The following RABGEF1 variants were observed in gnomAD, a reference collection of about 807,000 sequenced individuals.
RABGEF1 encodes the protein RAB guanine nucleotide exchange factor 1, also known as rab5 GDP/GTP exchange factor.
Under a neutral mutation model 57.3 loss-of-function variants are expected in RABGEF1, and 26 were observed. The ratio of observed to expected loss-of-function variants is 0.45; its 90% CI spans 0.33 to 0.63. The LOEUF is 0.63. Among genes scored for constraint, RABGEF1 ranks in the 20% least tolerant of loss-of-function variants. The pLI, the probability that RABGEF1 is intolerant of heterozygous loss-of-function variation, is 0.02. For missense variants in RABGEF1, 464 were observed against 607.6 expected (o/e 0.76, Z 2.48); for synonymous variants, 185 against 210.7 (o/e 0.88, Z 1.06).
intron 4 of RABGEF1, among the ~76,000 whole-genome samples, chr7:66,789,624 A>G (rs887558593): frequency 7.4e-6 from 1 of 134,592 alleles, no homozygotes; most frequent in South Asian, 2.5e-4. Context: ...CGGAGCTTGC[A>G]GTGAGCCTAG....
At chr7:66,724,581 A>G (rs1237123728) in intron 2 of RABGEF1, among the ~76,000 whole-genome samples, 1 of 152,144 alleles carries the variant, frequency 6.6e-6, no homozygotes, top group East Asian at 1.9e-4. Flanking sequence ...GCTGGTCTTG[A>G]TCTCGTGACC....
the RABGEF1 span, among the ~76,000 whole-genome samples, chr7:66,674,400 C>G: frequency 3.6e-4 from 54 of 152,098 alleles, no homozygotes; most frequent in Admixed American, 3.5e-3. Context: ...TTTGGCTAGG[C>G]TGGTCTTGAA....
At chr7:66,721,901 A>T (rs1253136155) in intron 2 of RABGEF1, among the ~76,000 whole-genome samples, 1 of 152,152 alleles carries the variant, frequency 6.6e-6, no homozygotes, top group Non-Finnish European at 1.5e-5. Flanking sequence ...CTGTAATCCC[A>T]GTGCTTTGGT....
rs1201119805 is a variant in RABGEF1, at chr7:66,746,250, G to A, written c.-18+5458G>A. The stretch of plus-strand genomic sequence containing the variant: ...TTTTGAAGTTTCCTGTGAAATTCCT[G>A]TTTTCAATGAAGTTACTGTCAGTGG... On this transcript the variant is annotated intron_variant, in intron 1 of 8. Transcript: ENST00000284957. Among the ~76,000 whole-genome samples the A allele has an allele frequency of 1.3e-5, 2 of 151,382 alleles. 1 individual carries two copies. Among genetic ancestry groups the A allele is most frequent in the African/African-American group, 4.8e-5 (2 of 41,262 alleles).
chr7:66,801,672 A>G (rs1787321312), intron 7 of RABGEF1, among the ~76,000 whole-genome samples: 1 of 152,280 alleles, frequency 6.6e-6, no homozygotes, highest in South Asian at 2.1e-4. Flanking sequence ...CACTTAACAT[A>G]ATATCCTCCT....
intron 4 of RABGEF1, among the ~76,000 whole-genome samples, chr7:66,791,680 A>C (rs536919393): frequency 6.6e-6 from 1 of 152,256 alleles, no homozygotes; most frequent in African/African-American, 2.4e-5. Flanking sequence ...AGTGGAAACA[A>C]AGATCTCAGC....
intron 4 of RABGEF1, among the ~76,000 whole-genome samples, chr7:66,791,589 C>T (rs567839156): frequency 1.3e-5 from 2 of 152,240 alleles, no homozygotes; most frequent in Admixed American, 6.5e-5. Flanking sequence ...TGTGGCAATT[C>T]ACATTGAAAT....
At position 66,771,542 on chromosome 7, in the gene RABGEF1, G is replaced by A. The variant is rs577643280; in HGVS notation, c.-17-341G>A. Among the ~76,000 whole-genome samples, 12 of 152,156 alleles carry A rather than the reference G, an allele frequency of 7.9e-5. No homozygotes were observed. The South Asian group carries it at 2.3e-3, about 29-fold the overall frequency. On this transcript the variant is annotated intron_variant, in intron 1 of 8. Transcript: ENST00000284957. The stretch of plus-strand genomic sequence containing the variant: ...AGAAGTCATTGCAAAATCCAGTGTC[G>A]GGAAGCTTTTCCCCTAAGTTTTTTT...
chr7:66,696,689 CAAAAAAAAAAA>C (rs71049476), intron 1 of RABGEF1, among the ~76,000 whole-genome samples: 12 of 66,322 alleles, frequency 1.8e-4, no homozygotes, highest in South Asian at 7.8e-4. Flanking sequence ...GACTCCGTCT[CAAAAAAAAAAA>C]AAAAAAAAAA....
intron 1 of RABGEF1, among the ~76,000 whole-genome samples, chr7:66,703,989 G>T (rs1793657034): frequency 6.6e-6 from 1 of 152,122 alleles, no homozygotes; most frequent in South Asian, 2.1e-4. Context: ...GTACTTTTCA[G>T]CACACAAGTC....
intron 1 of RABGEF1, chr7:66,755,997 G>T: frequency 7.3e-7 from 1 of 1,366,768 alleles, no homozygotes; most frequent in South Asian, 1.5e-5. Flanking sequence ...TTAATCATAT[G>T]AAAGTTGGTG....
the RABGEF1 span, among the ~76,000 whole-genome samples, chr7:66,655,038 A>G: frequency 6.6e-6 from 1 of 152,108 alleles, no homozygotes; most frequent in Non-Finnish European, 1.5e-5. Flanking sequence ...GGCCCCTCCC[A>G]TGACCTCTCT....
intron 2 of RABGEF1, among the ~76,000 whole-genome samples, chr7:66,720,190 TA>T (rs1554309016): frequency 0.11 from 10,048 of 88,866 alleles, 367 homozygotes; most frequent in South Asian, 0.16. Context: ...TTATTATTAT[TA>T]TTATTTTTTT....
In RABGEF1 at chr7:66,693,746, A is replaced by AG. The variant is rs1434267514; in HGVS notation, c.-873+11491dup. 7.0e-4 allele frequency among the ~76,000 whole-genome samples: 106 copies of AG among 152,186 alleles called. 1 individual carries two copies. Among genetic ancestry groups the AG allele is most frequent in the African/African-American group, 2.5e-3 (105 of 41,518 alleles). ...CCCGAGAGAGAGGACTACGACCCTC[A>AG]GGGAATCATTCATTCATTATTCATG... On this transcript the variant is annotated intron_variant and NMD_transcript_variant, in intron 1 of 9. Coordinates refer to the RABGEF1 transcript ENST00000607882.
At chr7:66,732,937 G>A (rs190832904) in intron 2 of RABGEF1, among the ~76,000 whole-genome samples, 25 of 152,192 alleles carry the variant, frequency 1.6e-4, no homozygotes, top group African/African-American at 5.3e-4. Flanking sequence ...TAAACTTCTC[G>A]GCAGTCAGGG....
In RABGEF1 at chr7:66,809,585, A is replaced by C. The variant is rs1789187140; in HGVS notation, c.*301A>C. 3.9e-6 allele frequency: 1 copy of C among 253,884 alleles called. No homozygotes were observed. Among genetic ancestry groups the C allele is most frequent in the African/African-American group, 2.2e-5 (1 of 45,048 alleles). The allele number at this position is 253,884 out of a possible 1,614,324, so 15.7% of individuals were successfully genotyped here. A position where few individuals can be genotyped will look rare whatever the true frequency, so the allele number is the denominator to read the frequency against. On this transcript the variant is annotated 3_prime_UTR_variant, in exon 9 of 9. Coordinates refer to ENST00000284957, the MANE Select transcript of RABGEF1 (RefSeq NM_014504.3). ...TCTGGCATTCACTGTGGTTTTGGTA[A>C]ATAATTGCCTTTTAAAGGATTAAAC...
intron 1 of RABGEF1, among the ~76,000 whole-genome samples, chr7:66,751,920 G>A (rs571326859): frequency 1.1e-4 from 16 of 152,134 alleles, no homozygotes; most frequent in Non-Finnish European, 1.5e-4. Flanking sequence ...TCTTAGGCTG[G>A]GCACATTGGC....
intron 1 of RABGEF1, among the ~76,000 whole-genome samples, chr7:66,752,038 C>A (rs1333885485): frequency 1.3e-5 from 2 of 151,144 alleles, no homozygotes; most frequent in African/African-American, 4.9e-5. Flanking sequence ...ATAAACAAAC[C>A]AAAAAAAACC....
chr7:66,774,670 G>A (rs1300219655), intron 2 of RABGEF1, among the ~76,000 whole-genome samples: 5 of 152,128 alleles, frequency 3.3e-5, no homozygotes, highest in Non-Finnish European at 5.9e-5. Flanking sequence ...TGAGGGATGA[G>A]AATTGCTTGA....
Sources: allele counts gnomAD v4.1 joint callset (sites outside exome capture counted in the v4.1 genomes callset), GRCh38; gene constraint gnomAD v4.1.1; transcripts MANE v1.5; gene names NCBI Gene and HGNC (gene_info 2026-07-23, HGNC 2026-07-21).